The following CCDC32 variants were observed in gnomAD, a reference collection of about 807,000 sequenced individuals.
The protein encoded by CCDC32 is coiled-coil domain containing 32.
In CCDC32, 9 loss-of-function variants were observed where a neutral mutation model predicts 20.1. The ratio of observed to expected loss-of-function variants is 0.45; its 90% confidence interval spans 0.27 to 0.78. The LOEUF is 0.78. Ranked by LOEUF, CCDC32 falls within the 30% of genes least tolerant of loss-of-function variation. CCDC32 has a pLI of 0.16. For synonymous variants in CCDC32, 63 were observed against 79.0 expected (o/e 0.80, Z 1.07); for missense variants, 204 against 215.5 (o/e 0.95, Z 0.33).
chr15:40,552,119 T>C (rs1339589937), downstream of CCDC32, among the ~76,000 whole-genome samples: 1 of 150,918 alleles, frequency 6.6e-6, no homozygotes, highest in Non-Finnish European at 1.5e-5. Flanking sequence ...TGATTGTCAC[T>C]ACACTCCAGC....
chr15:40,524,744 T>C (rs1464870622), downstream of CCDC32, among the ~76,000 whole-genome samples: 4 of 38,892 alleles, frequency 1.0e-4, no homozygotes, highest in African/African-American at 1.4e-4. Flanking sequence ...TCTTTCTTTT[T>C]TTTTTTTTTT....
At chr15:40,526,277 C>T (rs1894899581), downstream of CCDC32, among the ~76,000 whole-genome samples, 1 of 152,142 alleles carries the variant, frequency 6.6e-6, no homozygotes, top group South Asian at 2.1e-4. Context: ...AGGCTGGGCT[C>T]ATGCTCTTTC....
downstream of CCDC32, among the ~76,000 whole-genome samples, chr15:40,526,201 A>T (rs897044665): frequency 1.3e-5 from 2 of 151,542 alleles, no homozygotes; most frequent in Admixed American, 6.6e-5. Context: ...CTTCCAGAAC[A>T]TTTTTTTTCA....
At chr15:40,523,458 C>G in the CCDC32 span, among the ~76,000 whole-genome samples, 1 of 149,868 alleles carries the variant, frequency 6.7e-6, no homozygotes, top group South Asian at 2.1e-4. Flanking sequence ...GAGCCAAAAT[C>G]CCGCCATTGC....
intron 3 of CCDC32, among the ~76,000 whole-genome samples, chr15:40,529,148 C>T (rs1240227882): frequency 6.6e-6 from 1 of 152,198 alleles, no homozygotes; most frequent in Admixed American, 6.5e-5. Flanking sequence ...TCCCACACAA[C>T]CTTGGTGCAC....
downstream of CCDC32, among the ~76,000 whole-genome samples, chr15:40,552,316 T>TA (rs914128732): frequency 2.1e-4 from 31 of 150,548 alleles, no homozygotes; most frequent in Admixed American, 6.0e-4. Context: ...CCAAATCTAC[T>TA]AAAAAAAATA....
At chr15:40,521,578 G>A in the CCDC32 span, among the ~76,000 whole-genome samples, 3 of 152,158 alleles carry the variant, frequency 2.0e-5, no homozygotes, top group Non-Finnish European at 2.9e-5. Context: ...TTTCCAAAGT[G>A]GATGCACCAC....
intron 1 of CCDC32, chr15:40,564,711 G>T: frequency 6.2e-7 from 1 of 1,613,618 alleles, no homozygotes; most frequent in Non-Finnish European, 8.5e-7. Context: ...TAGCGCTACA[G>T]TGAACCCCCA....
intron 2 of CCDC32, chr15:40,561,895 A>G (rs1002704573): frequency 1.3e-5 from 2 of 151,076 alleles, no homozygotes; most frequent in African/African-American, 4.9e-5. Flanking sequence ...TTCCCCTAGC[A>G]TGGGACAATT....
intron 3 of CCDC32, among the ~76,000 whole-genome samples, chr15:40,545,910 G>T (rs11632370): frequency 0.52 from 79,322 of 151,998 alleles, 22,017 homozygotes; most frequent in East Asian, 0.75. Flanking sequence ...TCTCTTCAAA[G>T]ATTTATTCTG....
intron 3 of CCDC32, among the ~76,000 whole-genome samples, chr15:40,554,520 T>C (rs760338838): frequency 3.9e-5 from 6 of 152,180 alleles, no homozygotes; most frequent in East Asian, 1.9e-4. Flanking sequence ...CAAATTATTA[T>C]TGAGGCAGAA....
the CCDC32 span, among the ~76,000 whole-genome samples, chr15:40,521,906 A>T: frequency 6.6e-6 from 1 of 152,214 alleles, no homozygotes; most frequent in Non-Finnish European, 1.5e-5. Flanking sequence ...CCATTCTGTG[A>T]ATTGTCTTTT....
At chr15:40,532,487 A>G (rs1387133462), downstream of CCDC32, among the ~76,000 whole-genome samples, 1 of 152,112 alleles carries the variant, frequency 6.6e-6, no homozygotes, top group Non-Finnish European at 1.5e-5. Flanking sequence ...GGGCACATTA[A>G]TTTTCATCCC....
chr15:40,539,290 T>G, exon 4 of CCDC32: 2 of 1,535,578 alleles, frequency 1.3e-6, no homozygotes, highest in Non-Finnish European at 1.7e-6. Flanking sequence ...CTCAGCACAC[T>G]GGTGGCTGTC....
At chr15:40,522,828 CT>C in the CCDC32 span, among the ~76,000 whole-genome samples, 35 of 131,158 alleles carry the variant, frequency 2.7e-4, no homozygotes, top group South Asian at 4.9e-4. Flanking sequence ...GTTTTCCTTT[CT>C]TTTTTTTTTT....
chr15:40,556,892 T>TGAAGA lies in CCDC32; in HGVS notation c.401+319_401+323dup, dbSNP rs538880185. On this transcript the variant is annotated intron_variant, in intron 3 of 3. Coordinates refer to ENST00000416810, the MANE Select transcript of CCDC32 (RefSeq NM_001080792.4). ...GTGGAAATTCAGAGGTAAGAAGAGA[T>TGAAGA]GAAGAGATAGTTCCAGAAAATAATC... The TGAAGA allele has an allele frequency of 3.8e-3, 734 of 193,018 alleles. 7 individuals are homozygous for TGAAGA. The highest frequency in any genetic ancestry group is 0.017 in the African/African-American group (706 of 42,500). 12.0% of individuals were successfully genotyped at this position (193,018 alleles called of 1,614,324 possible).
chr15:40,550,929 G>C (rs1889827755), downstream of CCDC32, among the ~76,000 whole-genome samples: 2 of 152,172 alleles, frequency 1.3e-5, no homozygotes, highest in Admixed American at 1.3e-4. Flanking sequence ...ACTATTTTCG[G>C]GTACAGAAAC....
intron 3 of CCDC32, among the ~76,000 whole-genome samples, chr15:40,545,426 G>A (rs185043883): frequency 5.3e-5 from 8 of 151,532 alleles, no homozygotes; most frequent in East Asian, 3.9e-4. Flanking sequence ...AGTGGATTAC[G>A]TCAAAATGAA....
At chr15:40,525,317 T>G (rs867844752), downstream of CCDC32, among the ~76,000 whole-genome samples, 28 of 152,086 alleles carry the variant, frequency 1.8e-4, no homozygotes, top group African/African-American at 6.7e-4. Context: ...CGTGAGCCAC[T>G]GCGCCCGGCC....
Sources: allele counts gnomAD v4.1 joint callset (sites outside exome capture counted in the v4.1 genomes callset), GRCh38; gene constraint gnomAD v4.1.1; transcripts MANE v1.5; gene names NCBI Gene and HGNC (gene_info 2026-07-23, HGNC 2026-07-21).